LDB2: variants seen among roughly 807,000 people sequenced by gnomAD.
The protein encoded by LDB2 is LIM domain-binding protein 2.
In LDB2, 12 loss-of-function variants were observed where a neutral mutation model predicts 44.3. The observed-to-expected ratio is 0.27, with a 90% confidence interval of 0.17 to 0.44. LDB2 has a LOEUF of 0.44. Ranked by LOEUF, LDB2 falls within the 20% of genes least tolerant of loss-of-function variation. The probability of loss-of-function intolerance (pLI) is 1.00; values close to 1 mark genes in which losing one functional copy is unlikely to be tolerated. For synonymous variants in LDB2, 164 were observed against 174.8 expected, an observed-to-expected ratio of 0.94 and a Z score of 0.49; for missense variants, 344 against 473.5, an observed-to-expected ratio of 0.73 and a Z score of 2.54.
chr4:16,765,129 T>C (rs896377905), intron 1 of LDB2, among the ~76,000 whole-genome samples: 1 of 152,196 alleles, frequency 6.6e-6, no homozygotes, highest in African/African-American at 2.4e-5. Context: ...CCCAGGTGTA[T>C]TGGGTGGCAC....
chr4:16,813,026 C>A (rs1780202454), intron 1 of LDB2, among the ~76,000 whole-genome samples: 1 of 151,448 alleles, frequency 6.6e-6, no homozygotes, highest in South Asian at 2.1e-4. Context: ...GAGACAGGGT[C>A]TTGCTCTGTC....
chr4:16,690,107 T>C lies in LDB2; in HGVS notation c.235+69051A>G, dbSNP rs1321264739. On this transcript the variant is annotated intron_variant, in intron 2 of 7. Transcript: ENST00000304523. ...GGCTAATTTTTAATGGCCATGATCTTAGAAAAGGAACACACTGTCCTCAGT... is the reference window on the plus strand; with the variant it reads ...GGCTAATTTTTAATGGCCATGATCTCAGAAAAGGAACACACTGTCCTCAGT... Among the ~76,000 whole-genome samples, 8 of 152,236 alleles carry C rather than the reference T, an allele frequency of 5.3e-5. No homozygotes were observed. The East Asian group carries it at 5.8e-4, about 11-fold the overall frequency.
chr4:16,600,234 A>G (rs1181822686), intron 2 of LDB2, among the ~76,000 whole-genome samples: 7 of 152,208 alleles, frequency 4.6e-5, no homozygotes, highest in African/African-American at 1.7e-4. Flanking sequence ...TCATATGTCA[A>G]AGTTACACTT....
At chr4:16,676,078 G>A (rs963929658) in intron 2 of LDB2, among the ~76,000 whole-genome samples, 1 of 152,188 alleles carries the variant, frequency 6.6e-6, no homozygotes, top group Admixed American at 6.5e-5. Flanking sequence ...AAAATGTTTT[G>A]TAACTGGCTA....
At chr4:16,867,052 G>A (rs193007085) in intron 1 of LDB2, among the ~76,000 whole-genome samples, 33 of 152,306 alleles carry the variant, frequency 2.2e-4, no homozygotes, top group Middle Eastern at 3.4e-3. Flanking sequence ...TAATATGACT[G>A]CTGTCTGGCA....
chr4:16,507,882 C>A (rs976184516), intron 7 of LDB2, among the ~76,000 whole-genome samples: 2 of 152,156 alleles, frequency 1.3e-5, no homozygotes, highest in Non-Finnish European at 2.9e-5. Context: ...ATGGGATTAC[C>A]CTCAGCTGTC....
chr4:16,654,364 A>G (rs988181360), intron 2 of LDB2, among the ~76,000 whole-genome samples: 1 of 152,146 alleles, frequency 6.6e-6, no homozygotes, highest in African/African-American at 2.4e-5. Context: ...ATTTAGAGTA[A>G]GGCAGGGGAA....
chr4:16,637,469 A>G (rs1015984439), intron 2 of LDB2, among the ~76,000 whole-genome samples: 3 of 152,058 alleles, frequency 2.0e-5, no homozygotes, highest in Non-Finnish European at 2.9e-5. Flanking sequence ...TAATTCCACA[A>G]GTCTTTACGG....
At chr4:16,824,088 C>A (rs369358300) in intron 1 of LDB2, among the ~76,000 whole-genome samples, 10 of 152,228 alleles carry the variant, frequency 6.6e-5, no homozygotes, top group East Asian at 5.8e-4. Context: ...TACTGCTCAA[C>A]ACGTAGAATG....
chr4:16,897,953 T>A (rs944813093), intron 1 of LDB2, among the ~76,000 whole-genome samples: 5 of 43,676 alleles, frequency 1.1e-4, no homozygotes, highest in Non-Finnish European at 2.3e-4. Context: ...TATGTATATA[T>A]ATATATATAT....
chr4:16,797,663 G>A (rs1400804977), intron 1 of LDB2, among the ~76,000 whole-genome samples: 1 of 152,000 alleles, frequency 6.6e-6, no homozygotes, highest in Non-Finnish European at 1.5e-5. Context: ...ATTTATTAGA[G>A]AGGCTCTGAG....
In LDB2 at chr4:16,825,270, A is replaced by G. The variant is rs767260880; in HGVS notation, c.133-66010T>C. ...CTCAGTGTGTCTAAATCTATAGGCC[A>G]TTTACTGAGTGAAGAGATTAACCAG... On this transcript the variant is annotated intron_variant, in intron 1 of 7. Transcript: ENST00000304523. Among the ~76,000 whole-genome samples, 34 of 152,330 alleles carry G rather than the reference A, an allele frequency of 2.2e-4. No individual in the cohort carries two copies. In the South Asian group the frequency reaches 5.0e-3, roughly 22 times the overall value.
At chr4:16,723,179 C>T (rs1180346758) in intron 2 of LDB2, among the ~76,000 whole-genome samples, 2 of 151,986 alleles carry the variant, frequency 1.3e-5, no homozygotes, top group Non-Finnish European at 1.5e-5. Context: ...ATTAGGATAA[C>T]CTAGCTCCCT....
chr4:16,706,574 AT>A (rs1386988136), intron 2 of LDB2, among the ~76,000 whole-genome samples: 2 of 152,230 alleles, frequency 1.3e-5, no homozygotes, highest in Non-Finnish European at 2.9e-5. Context: ...CAAGATCATG[AT>A]TCTGGGTGTT....
intron 1 of LDB2, among the ~76,000 whole-genome samples, chr4:16,779,370 T>G (rs1312712927): frequency 6.6e-6 from 1 of 152,188 alleles, no homozygotes; most frequent in Non-Finnish European, 1.5e-5. Flanking sequence ...AGAAACTAAG[T>G]GCGCTTTCGA....
At chr4:16,678,966 A>G (rs1747072479) in intron 2 of LDB2, among the ~76,000 whole-genome samples, 1 of 152,250 alleles carries the variant, frequency 6.6e-6, no homozygotes, top group Non-Finnish European at 1.5e-5. Context: ...TGCTTTCTCA[A>G]GTCTCAACAA....
intron 2 of LDB2, among the ~76,000 whole-genome samples, chr4:16,739,340 G>A (rs756477698): frequency 1.1e-4 from 16 of 150,946 alleles, no homozygotes; most frequent in East Asian, 2.0e-4. Context: ...TAATCCCACC[G>A]CTTTGGGAGG....
intron 1 of LDB2, among the ~76,000 whole-genome samples, chr4:16,794,180 G>T (rs1240729446): frequency 6.6e-6 from 1 of 152,142 alleles, no homozygotes; most frequent in East Asian, 1.9e-4. Context: ...GGGTTAGGCA[G>T]CATGGGGCTG....
chr4:16,809,375 C>T (rs1191337857), intron 1 of LDB2, among the ~76,000 whole-genome samples: 1 of 152,156 alleles, frequency 6.6e-6, no homozygotes, highest in Non-Finnish European at 1.5e-5. Context: ...GTTCAACAAA[C>T]AGGTGTCAAT....
Sources: allele counts gnomAD v4.1 joint callset (sites outside exome capture counted in the v4.1 genomes callset), GRCh38; gene constraint gnomAD v4.1.1; transcripts MANE v1.5; gene names NCBI Gene and HGNC (gene_info 2026-07-23, HGNC 2026-07-21).